Variants in YIPF1 observed in about 807,000 individuals in gnomAD.
The protein encoded by YIPF1 is protein YIPF1.
YIPF1 carries 22 observed loss-of-function variants against 37.0 expected under a neutral mutation model. The ratio of observed to expected loss-of-function variants is 0.59; its 90% confidence interval spans 0.42 to 0.85. The LOEUF (loss-of-function observed/expected upper bound fraction) is 0.85, where lower values mean the gene tolerates loss of function less well. Among genes scored for constraint, YIPF1 ranks in the 40% least tolerant of loss-of-function variants. YIPF1 has a pLI of 0.00. For synonymous variants in YIPF1, 128 were observed against 131.9 expected (o/e 0.97, Z 0.21); for missense variants, 355 against 373.1 (o/e 0.95, Z 0.40).
At chr1:53,871,083 A>G (rs909217410) in intron 7 of YIPF1, among the ~76,000 whole-genome samples, 2 of 152,066 alleles carry the variant, frequency 1.3e-5, no homozygotes, top group Non-Finnish European at 2.9e-5. Flanking sequence ...AGCTTTCCCA[A>G]AGATTATGTG....
chr1:53,872,213 G>A (rs10888811), intron 6 of YIPF1, among the ~76,000 whole-genome samples: 78,864 of 151,782 alleles, frequency 0.52, 20,727 homozygotes, highest in East Asian at 0.74. Context: ...TCTGTGCCCC[G>A]GCTCTCTATC....
rs144517259 is a variant in YIPF1 at position 53,853,630 on chromosome 1, C to T, written c.*9-1360G>A. Among the ~76,000 whole-genome samples the T allele has an allele frequency of 6.6e-5, 10 of 152,306 alleles. No individual in the cohort carries two copies. In the East Asian group the frequency reaches 1.2e-3, roughly 18 times the overall value. ...CAGATGTCAGCGTTTGATGATACCACGAAGGTGAGGCTAAGGCAAGGGCTA... is the reference window on the plus strand; with the variant it reads ...CAGATGTCAGCGTTTGATGATACCATGAAGGTGAGGCTAAGGCAAGGGCTA... On this transcript the variant is annotated intron_variant, in intron 10 of 10. Transcript: ENST00000072644.
intron 10 of YIPF1, among the ~76,000 whole-genome samples, chr1:53,857,715 C>T (rs1374631636): frequency 6.6e-6 from 1 of 152,172 alleles, no homozygotes; most frequent in Non-Finnish European, 1.5e-5. Context: ...GGCGCGATGG[C>T]TCACACCTAT....
intron 10 of YIPF1, among the ~76,000 whole-genome samples, chr1:53,854,214 T>C (rs1649664704): frequency 2.6e-5 from 4 of 151,928 alleles, no homozygotes; most frequent in Admixed American, 2.0e-4. Flanking sequence ...ATTGCACCAC[T>C]GTCCTCCAGC....
intron 8 of YIPF1, 107 bp from the exon 9 acceptor site, chr1:53,866,489 T>C (rs535838222): frequency 2.2e-5 from 28 of 1,248,342 alleles, no homozygotes; most frequent in African/African-American, 1.8e-4. Context: ...TGGGCCCCCA[T>C]TGCCACTCTG....
At chr1:53,856,056 C>T (rs911688855) in intron 10 of YIPF1, among the ~76,000 whole-genome samples, 3 of 152,180 alleles carry the variant, frequency 2.0e-5, no homozygotes, top group African/African-American at 7.2e-5. Context: ...ACAGCCAGCT[C>T]GTAAATCAGC....
intron 6 of YIPF1, 134 bp from the exon 7 acceptor site, chr1:53,871,622 G>A: frequency 1.4e-6 from 1 of 706,190 alleles, no homozygotes; most frequent in Admixed American, 3.0e-5. Context: ...ATCAACACTT[G>A]CTGAAGGGAA....
chr1:53,856,793 C>G (rs1381898212), intron 10 of YIPF1, among the ~76,000 whole-genome samples: 1 of 152,184 alleles, frequency 6.6e-6, no homozygotes, highest in Non-Finnish European at 1.5e-5. Flanking sequence ...ATACGTATCA[C>G]AAGTTTGTGC....
Position 53,866,279 on chromosome 1 carries a change from C to T in YIPF1, c.752G>A (p.Arg251His), listed in dbSNP as rs763286681. Residue 251 changes from arginine (R) to histidine (H), a missense_variant, in exon 9 of 11, where the codon CGT becomes CAT. Physicochemically the swap from Arg to His is conservative, Grantham distance 29 (BLOSUM62 0). Coordinates refer to ENST00000072644, the MANE Select transcript of YIPF1 (RefSeq NM_018982.5). ...LLAMTFWPAV[R>H]EDNRRVALAT... ...CAATGCAACGCGTCGGTTATCCTCA[C>T]GAACAGCTGGCCAAAATGTCATTGC... 36 of 1,614,160 alleles carry T rather than the reference C, an allele frequency of 2.2e-5. No homozygotes were observed. The highest frequency in any genetic ancestry group is 1.6e-4 in the South Asian group (15 of 91,070).
At chr1:53,863,574 C>T (rs140101532) in intron 9 of YIPF1, among the ~76,000 whole-genome samples, 1 of 152,304 alleles carries the variant, frequency 6.6e-6, no homozygotes, top group Non-Finnish European at 1.5e-5. Flanking sequence ...CAGCGCTGAG[C>T]ATCTCTCAGT....
At chr1:53,876,613 G>A (rs1650342278) in intron 6 of YIPF1, among the ~76,000 whole-genome samples, 1 of 152,212 alleles carries the variant, frequency 6.6e-6, no homozygotes, top group Admixed American at 6.5e-5. Flanking sequence ...TAGTGATGAA[G>A]AAATGGATTA....
chr1:53,882,951 A>C (rs1650541287), intron 4 of YIPF1, 162 bp downstream of exon 4: 4 of 690,526 alleles, frequency 5.8e-6, no homozygotes, highest in Non-Finnish European at 8.8e-6. Flanking sequence ...ACGGAAAGTA[A>C]TGGTCTGTTT....
chr1:53,888,365 A>G (rs1405451269), intron 3 of YIPF1, among the ~76,000 whole-genome samples: 1 of 152,248 alleles, frequency 6.6e-6, no homozygotes, highest in Non-Finnish European at 1.5e-5. Flanking sequence ...TGATCATTTA[A>G]TAAATACATG....
At chr1:53,888,801 T>C in intron 3 of YIPF1, 106 bp downstream of exon 3, 1 of 1,140,792 alleles carries the variant, frequency 8.8e-7, no homozygotes, top group Non-Finnish European at 1.2e-6. Context: ...CCAAGATGTT[T>C]GAAATAATAT....
chr1:53,863,337 G>T (rs1328999620), intron 9 of YIPF1, among the ~76,000 whole-genome samples: 1 of 152,170 alleles, frequency 6.6e-6, no homozygotes, highest in African/African-American at 2.4e-5. Context: ...GTGGGACCTT[G>T]GACCACTCTT....
At chr1:53,877,613 T>C (rs1458615630) in intron 6 of YIPF1, among the ~76,000 whole-genome samples, 2 of 152,082 alleles carry the variant, frequency 1.3e-5, no homozygotes, top group African/African-American at 4.8e-5. Flanking sequence ...CCCGGCCCAA[T>C]CCTGTTTTAG....
chr1:53,857,330 C>A (rs1213967056), intron 10 of YIPF1, among the ~76,000 whole-genome samples: 1 of 152,166 alleles, frequency 6.6e-6, no homozygotes, highest in Non-Finnish European at 1.5e-5. Context: ...TACCACTGGG[C>A]AGCAATAGAT....
At chr1:53,873,653 C>T (rs898492546) in intron 6 of YIPF1, among the ~76,000 whole-genome samples, 3 of 150,556 alleles carry the variant, frequency 2.0e-5, no homozygotes, top group Non-Finnish European at 3.0e-5. Flanking sequence ...ATAGCTACCG[C>T]ACTCCAGCCT....
At chr1:53,874,686 G>A (rs1417383535) in intron 6 of YIPF1, among the ~76,000 whole-genome samples, 2 of 152,112 alleles carry the variant, frequency 1.3e-5, no homozygotes, top group African/African-American at 4.8e-5. Context: ...AGAATCACTT[G>A]AACCCAGGAC....
Sources: allele counts gnomAD v4.1 joint callset (sites outside exome capture counted in the v4.1 genomes callset), GRCh38; gene constraint gnomAD v4.1.1; transcripts MANE v1.5; gene names NCBI Gene and HGNC (gene_info 2026-07-23, HGNC 2026-07-21).